The following ALMS1 variants were observed in gnomAD, a reference collection of about 807,000 sequenced individuals.
ALMS1 encodes the protein centrosome-associated protein ALMS1.
ALMS1 carries 271 observed loss-of-function variants against 352.2 expected under a neutral mutation model. That is an observed-to-expected ratio of 0.77 (90% CI 0.70 to 0.85). The LOEUF is 0.85. ALMS1 is among the 40% of genes least tolerant of loss of function. ALMS1 has a pLI of 0.00. For missense variants in ALMS1, 5,445 were observed against 4,870.7 expected, an observed-to-expected ratio of 1.12 and a Z score of -3.51; for synonymous variants, 1,865 against 1,761.2, an observed-to-expected ratio of 1.06 and a Z score of -1.48.
chr2:73,394,651 A>G (rs949398072), intron 1 of ALMS1, among the ~76,000 whole-genome samples: 10 of 152,168 alleles, frequency 6.6e-5, no homozygotes, highest in Admixed American at 1.3e-4. Context: ...TGCCTGGCCT[A>G]ATCATCTGGT....
chr2:73,466,530 T>C (rs1572949888), intron 9 of ALMS1, among the ~76,000 whole-genome samples: 1 of 150,746 alleles, frequency 6.6e-6, no homozygotes, highest in East Asian at 2.0e-4. Context: ...TTTGGAGATA[T>C]ACCTAATGTT....
intron 9 of ALMS1, among the ~76,000 whole-genome samples, chr2:73,484,015 G>T (rs1410164561): frequency 6.6e-6 from 1 of 151,548 alleles, no homozygotes; most frequent in African/African-American, 2.4e-5. Context: ...GATGGGTCTT[G>T]ACTCTTTATC....
chr2:73,448,530 C>A lies in ALMS1; in HGVS notation c.2003C>A (p.Ser668Tyr), dbSNP rs755240108. The change falls in exon 8 of 23, where the codon TCC becomes TAC. Residue 668 changes from serine (S) to tyrosine (Y), a missense_variant. By Grantham distance (144) the Ser-to-Tyr change is moderately radical. Transcript: ENST00000613296. ...GGAATACCTACAGTATCCTCTACAT[C>A]CCACTCACATGTAGAGGACCTCCTC... The part of the protein sequence containing the change: ...KTGIPTVSST[S>Y]HSHVEDLLFF... 1.2e-6 allele frequency: 2 copies of A among 1,613,902 alleles called. No individual in the cohort carries two copies. Among genetic ancestry groups the A allele is most frequent in the Non-Finnish European group, 1.7e-6 (2 of 1,179,888 alleles).
At chr2:73,533,279 T>A (rs1442509739) in intron 11 of ALMS1, among the ~76,000 whole-genome samples, 1 of 152,202 alleles carries the variant, frequency 6.6e-6, no homozygotes, top group African/African-American at 2.4e-5. Flanking sequence ...TTCCAGCACA[T>A]CACCAAGACT....
rs571549852 is a variant in ALMS1 at position 73,469,560 on chromosome 2, G to A, written c.7674+14265G>A. 64 of 151,936 alleles carry A rather than the reference G, an allele frequency of 4.2e-4. 2 individuals are homozygous for A. Among genetic ancestry groups the A allele is most frequent in the Admixed American group, 3.6e-3 (55 of 15,250 alleles). 9.4% of individuals were successfully genotyped at this position (151,936 alleles called of 1,614,324 possible). A position where few individuals can be genotyped will look rare whatever the true frequency, so the allele number is the denominator to read the frequency against. The stretch of plus-strand genomic sequence containing the variant: ...TTAGATAATATAATTAAACAGAAGC[G>A]TGTAACAGATTAAACATTATGAGAG... On this transcript the variant is annotated intron_variant, in intron 9 of 22. Transcript: ENST00000613296.
intron 9 of ALMS1, among the ~76,000 whole-genome samples, chr2:73,464,980 T>C (rs1488974809): frequency 6.6e-6 from 1 of 150,516 alleles, no homozygotes; most frequent in Admixed American, 6.6e-5. Context: ...TCCATGCTCA[T>C]GGGTAGGAAG....
chr2:73,532,047 T>C (rs1381919890), intron 11 of ALMS1, among the ~76,000 whole-genome samples: 2 of 152,252 alleles, frequency 1.3e-5, no homozygotes, highest in Non-Finnish European at 2.9e-5. Context: ...AGAAGAATTC[T>C]CTGGATTACC....
At chr2:73,595,995 T>C (rs1675538963) in intron 16 of ALMS1, among the ~76,000 whole-genome samples, 3 of 152,238 alleles carry the variant, frequency 2.0e-5, no homozygotes, top group Admixed American at 1.3e-4. Context: ...CCTACTGAGT[T>C]GAAAGAGCTC....
At chr2:73,600,576 G>C (rs1288033704) in intron 17 of ALMS1, 102 bp from the exon 18 acceptor site, 2 of 1,087,498 alleles carry the variant, frequency 1.8e-6, no homozygotes, top group African/African-American at 3.2e-5. Flanking sequence ...CAAAGGGATT[G>C]TATTTTTGAA....
Position 73,572,483 on chromosome 2 carries a change from G to A in ALMS1, c.10606G>A (p.Asp3536Asn), listed in dbSNP as rs1674956726. 1.9e-6 allele frequency: 3 copies of A among 1,613,740 alleles called. No homozygotes were observed. The African/African-American group carries it at 4.0e-5, about 22-fold the overall frequency. ...MCLPLPYQNM[D>N]KTKTDYTRIK... ...TCTTCCTCTTCCTTATCAAAACATG[G>A]ACAAGACTAAGACAGATTATACCAG... The change falls in exon 16 of 23, where the codon GAC becomes AAC. Residue 3536 changes from aspartate to asparagine, a missense_variant. Coordinates refer to ENST00000613296, the MANE Select transcript of ALMS1 (RefSeq NM_001378454.1).
chr2:73,512,949 T>C (rs1442215745), intron 10 of ALMS1, among the ~76,000 whole-genome samples: 5 of 152,240 alleles, frequency 3.3e-5, no homozygotes, highest in Non-Finnish European at 7.3e-5. Context: ...CCTACACTTA[T>C]TTACATTAAT....
intron 17 of ALMS1, 23 bp downstream of exon 17, chr2:73,599,544 T>C (rs780974894): frequency 5.7e-5 from 92 of 1,610,492 alleles, no homozygotes; most frequent in Non-Finnish European, 7.5e-5. Flanking sequence ...ATCTAAACTT[T>C]TTCATTGAAA....
intron 7 of ALMS1, 121 bp from the exon 8 acceptor site, chr2:73,447,839 G>T (rs1671837224): frequency 7.9e-6 from 10 of 1,264,544 alleles, no homozygotes; most frequent in South Asian, 3.9e-5. Flanking sequence ...TCCTTTGATG[G>T]CTGTTTCCTT....
At position 73,564,805 on chromosome 2, in the gene ALMS1, G is replaced by A. The variant is rs541829588; in HGVS notation, c.10384+5663G>A. Among the ~76,000 whole-genome samples the A allele has an allele frequency of 9.7e-4, 147 of 152,268 alleles. No individual in the cohort carries two copies. The Middle Eastern group carries it at 0.014, about 14-fold the overall frequency. Reference sequence around the variant, plus strand: ...AAAGATAAACACGTCCATGTAGAAGGGGACAGTAAGAAAACTGCCTGTTTT... The same window carrying A: ...AAAGATAAACACGTCCATGTAGAAGAGGACAGTAAGAAAACTGCCTGTTTT... On this transcript the variant is annotated intron_variant, in intron 15 of 22. Coordinates refer to ENST00000613296, the MANE Select transcript of ALMS1 (RefSeq NM_001378454.1).
At chr2:73,503,068 C>T (rs1283016201) in intron 10 of ALMS1, among the ~76,000 whole-genome samples, 2 of 151,978 alleles carry the variant, frequency 1.3e-5, no homozygotes, top group Non-Finnish European at 2.9e-5. Flanking sequence ...TTAGATTTCT[C>T]CAGTTCTCCC....
intron 9 of ALMS1, among the ~76,000 whole-genome samples, chr2:73,461,954 G>A (rs1672213147): frequency 6.6e-6 from 1 of 152,120 alleles, no homozygotes; most frequent in Non-Finnish European, 1.5e-5. Flanking sequence ...ATGGGACTAT[G>A]TGAAAAGACC....
At chr2:73,465,574 A>C (rs530254988) in intron 9 of ALMS1, among the ~76,000 whole-genome samples, 5 of 152,346 alleles carry the variant, frequency 3.3e-5, no homozygotes, top group African/African-American at 1.2e-4. Context: ...GGACATAGGC[A>C]TGGGCAAAGA....
chr2:73,601,542 C>G lies in ALMS1; in HGVS notation c.12114+106C>G. Reference sequence around the variant, plus strand: ...GGTGAGCTGAGGTGTAGGCCTGAGACGCTCTTTTCCAGCACCTCCGCAGTT... The same window carrying G: ...GGTGAGCTGAGGTGTAGGCCTGAGAGGCTCTTTTCCAGCACCTCCGCAGTT... On this transcript the variant is annotated intron_variant, in intron 19 of 22. Transcript: ENST00000613296. 3 of 1,513,482 alleles carry G rather than the reference C, an allele frequency of 2.0e-6. No individual in the cohort carries two copies. The Admixed American group carries it at 5.9e-5, about 30-fold the overall frequency. 93.8% of individuals were successfully genotyped at this position (1,513,482 alleles called of 1,614,324 possible). A position where few individuals can be genotyped will look rare whatever the true frequency, so the allele number is the denominator to read the frequency against.
intron 2 of ALMS1, among the ~76,000 whole-genome samples, chr2:73,414,489 G>GTTGT (rs1671145411): frequency 1.1e-5 from 1 of 94,250 alleles, no homozygotes; most frequent in African/African-American, 4.5e-5. Context: ...TTTTTTTTTT[G>GTTGT]TTTTTTTTTT....
Sources: gnomAD v4.1 joint callset for allele counts (sites outside exome capture counted in the v4.1 genomes callset) on GRCh38, gnomAD v4.1.1 for gene constraint, MANE v1.5 for transcripts, NCBI Gene and HGNC (gene_info 2026-07-23, HGNC 2026-07-21) for gene names.